The following ABHD2 variants were observed in gnomAD, a reference collection of about 807,000 sequenced individuals.
The protein encoded by ABHD2 is abhydrolase domain containing 2, acylglycerol lipase.
In ABHD2, 20 loss-of-function variants were observed where a neutral mutation model predicts 48.1. The ratio of observed to expected loss-of-function variants is 0.42; its 90% confidence interval spans 0.29 to 0.60. ABHD2 has a LOEUF of 0.60. ABHD2 is among the 20% of genes least tolerant of loss of function. ABHD2 has a pLI of 0.24. For synonymous variants in ABHD2, 209 were observed against 214.2 expected, an observed-to-expected ratio of 0.98 and a Z score of 0.21; for missense variants, 405 against 550.9, an observed-to-expected ratio of 0.74 and a Z score of 2.65.
chr15:89,081,292 T>G, the ABHD2 span, among the ~76,000 whole-genome samples: 1 of 151,576 alleles, frequency 6.6e-6, no homozygotes, highest in African/African-American at 2.4e-5. Flanking sequence ...AATGCTGGGA[T>G]TACAAGCATG....
chr15:89,193,235 A>G lies in ABHD2; in HGVS notation c.997A>G (p.Ile333Val). ...EESCMRYLHR[I>V]YVPLMLVNAA... ...ATTCTGCTTTATGTTCTTGTTGCAG[A>G]TTTATGTTCCTCTCATGCTGGTTAA... Residue 333 changes from isoleucine to valine, a missense_variant and splice_region_variant, in exon 10 of 11, where the codon ATT (isoleucine) becomes GTT (valine). Transcript: ENST00000352732. 6.2e-7 allele frequency: 1 copy of G among 1,614,120 alleles called. No homozygotes were observed. The highest frequency in any genetic ancestry group is 8.5e-7 in the Non-Finnish European group (1 of 1,179,974).
Position 89,201,818 on chromosome 15 carries a change from G to A in ABHD2, c.*6395G>A. ...CAGACGCCATTGGAGAGACAGCGCA[G>A]AGCAGGGGGCGGCTTGCTCGCTGGG... On this transcript the variant is annotated 3_prime_UTR_variant, in exon 11 of 11. Transcript: ENST00000352732. The A allele has an allele frequency of 7.7e-7, 1 of 1,296,540 alleles. No individual in the cohort carries two copies. The highest frequency in any genetic ancestry group is 1.1e-6 in the Non-Finnish European group (1 of 902,336). 80.3% of individuals were successfully genotyped at this position (1,296,540 alleles called of 1,614,324 possible). A position where few individuals can be genotyped will look rare whatever the true frequency, so the allele number is the denominator to read the frequency against.
the ABHD2 span, among the ~76,000 whole-genome samples, chr15:89,063,353 T>C: frequency 6.6e-6 from 1 of 152,078 alleles, no homozygotes; most frequent in Non-Finnish European, 1.5e-5. Flanking sequence ...AAAAATTTGC[T>C]CATAACCAAA....
the ABHD2 span, among the ~76,000 whole-genome samples, chr15:89,050,097 T>C: frequency 3.7e-3 from 564 of 152,214 alleles, 3 homozygotes; most frequent in Non-Finnish European, 4.1e-3. Flanking sequence ...CAAAATGTCT[T>C]GGAGAAAGAT....
chr15:89,057,633 C>G, the ABHD2 span, among the ~76,000 whole-genome samples: 3 of 152,308 alleles, frequency 2.0e-5, no homozygotes, highest in East Asian at 5.8e-4. Context: ...TCCTGAGAGG[C>G]AGGCCCCGTT....
intron 3 of ABHD2, among the ~76,000 whole-genome samples, chr15:89,145,044 G>A (rs1399732639): frequency 6.6e-6 from 1 of 152,190 alleles, no homozygotes; most frequent in Non-Finnish European, 1.5e-5. Flanking sequence ...ATCACTTGAG[G>A]TCATGAGTTT....
intron 3 of ABHD2, among the ~76,000 whole-genome samples, chr15:89,150,366 A>G (rs181295112): frequency 1.2e-4 from 18 of 152,278 alleles, no homozygotes; most frequent in African/African-American, 4.3e-4. Context: ...TCCAATTGAC[A>G]TTTTTATAAG....
chr15:89,161,774 T>C (rs980737867), intron 5 of ABHD2, among the ~76,000 whole-genome samples: 4 of 152,214 alleles, frequency 2.6e-5, no homozygotes, highest in Non-Finnish European at 5.9e-5. Context: ...TGTGCATCAC[T>C]AAGATACACA....
intron 3 of ABHD2, chr15:89,135,585 C>T (rs2050295408): frequency 1.3e-6 from 2 of 1,536,176 alleles, no homozygotes; most frequent in Admixed American, 1.9e-5. Context: ...CATTCTTATC[C>T]TCTTCATCTT....
At chr15:89,159,613 C>G (rs554486823) in intron 5 of ABHD2, among the ~76,000 whole-genome samples, 1 of 152,084 alleles carries the variant, frequency 6.6e-6, no homozygotes, top group Non-Finnish European at 1.5e-5. Context: ...GGAAGGGCAA[C>G]CCATGCAGAA....
At chr15:89,069,328 A>G in the ABHD2 span, among the ~76,000 whole-genome samples, 1 of 151,494 alleles carries the variant, frequency 6.6e-6, no homozygotes, top group Admixed American at 6.6e-5. Context: ...AGGTCTCACT[A>G]TTTTTCCAAG....
In ABHD2 at chr15:89,177,916, A is replaced by C. The variant is rs1012476414; in HGVS notation, c.722+1921A>C. Among the ~76,000 whole-genome samples, 6 of 152,174 alleles carry C rather than the reference A, an allele frequency of 3.9e-5. No individual in the cohort carries two copies. The highest frequency in any genetic ancestry group is 2.6e-4 in the Admixed American group (4 of 15,280). ...CAATCCCTTCATCTCATTTTGCTGC[A>C]GTAGCGCCATCTGCTGTCAGCAAGA... On this transcript the variant is annotated intron_variant, in intron 6 of 10. Transcript: ENST00000352732. The surrounding 1 kb of genome is among the most constrained non-coding windows in gnomAD (Gnocchi z 5.6).
rs2051204969 is a variant in ABHD2, at chr15:89,186,127, T to C, written c.815+611T>C. Among the ~76,000 whole-genome samples the C allele has an allele frequency of 6.6e-6, 1 of 152,178 alleles. No homozygotes were observed. The highest frequency in any genetic ancestry group is 6.5e-5 in the Admixed American group (1 of 15,278). On this transcript the variant is annotated intron_variant, in intron 7 of 10. Coordinates refer to ENST00000352732, the MANE Select transcript of ABHD2 (RefSeq NM_152924.5). The surrounding 1 kb of genome is among the most constrained non-coding windows in gnomAD (Gnocchi z 4.3). Reference sequence around the variant, plus strand: ...CTGTCATTGTTGAGGAGACCTTCCCTGTAGGATGCTTCTGTGCCTGGGGGA... The same window carrying C: ...CTGTCATTGTTGAGGAGACCTTCCCCGTAGGATGCTTCTGTGCCTGGGGGA...
At chr15:89,148,539 C>T (rs2050536117) in intron 3 of ABHD2, among the ~76,000 whole-genome samples, 1 of 152,224 alleles carries the variant, frequency 6.6e-6, no homozygotes, top group South Asian at 2.1e-4. Flanking sequence ...GGCAACTTGG[C>T]AGTATCTACA....
intron 3 of ABHD2, among the ~76,000 whole-genome samples, chr15:89,138,854 C>CT (rs10707562): frequency 5.7e-4 from 85 of 148,798 alleles, no homozygotes; most frequent in Admixed American, 1.9e-3. Flanking sequence ...CTAATCCTAG[C>CT]TTTTTTTTTT....
At chr15:89,138,334 G>A (rs917289151) in intron 3 of ABHD2, among the ~76,000 whole-genome samples, 2 of 152,152 alleles carry the variant, frequency 1.3e-5, no homozygotes, top group Non-Finnish European at 2.9e-5. Flanking sequence ...ACTGATGCTT[G>A]TCCTCCTGGG....
At chr15:89,082,053 A>G in the ABHD2 span, among the ~76,000 whole-genome samples, 1 of 152,098 alleles carries the variant, frequency 6.6e-6, no homozygotes, top group East Asian at 1.9e-4. This position sits in a 1 kb window ranked among gnomAD's most constrained non-coding sequence, Gnocchi z 4.4. Flanking sequence ...GGTGGTTAGC[A>G]GCATCTCTAG....
rs545667636 is a variant in ABHD2 at position 89,135,847 on chromosome 15, T to TCAGAA, written c.195-15816_195-15812dup. On this transcript the variant is annotated intron_variant, in intron 3 of 10. Coordinates refer to ENST00000352732, the MANE Select transcript of ABHD2 (RefSeq NM_152924.5). Reference sequence around the variant, plus strand: ...TTCTCCTTTGATATTTGGGCGATACTCAGAACAGAACAGAACAGGACAGAA... The same window carrying TCAGAA: ...TTCTCCTTTGATATTTGGGCGATACTCAGAACAGAACAGAACAGAACAGGACAGAA... 19 of 744,224 alleles carry TCAGAA rather than the reference T, an allele frequency of 2.6e-5. No individual in the cohort carries two copies. The East Asian group carries it at 2.7e-4, about 11-fold the overall frequency. The allele number at this position is 744,224 out of a possible 1,614,324, so 46.1% of individuals were successfully genotyped here.
intron 5 of ABHD2, among the ~76,000 whole-genome samples, chr15:89,162,490 C>G (rs1008775263): frequency 1.3e-5 from 2 of 152,100 alleles, no homozygotes; most frequent in African/African-American, 4.8e-5. Context: ...TGCAGTCCAC[C>G]ATCAGGCCCC....
Sources: allele counts gnomAD v4.1 joint callset (sites outside exome capture counted in the v4.1 genomes callset), GRCh38; gene constraint gnomAD v4.1.1; non-coding constraint Gnocchi (gnomAD v3.1); transcripts MANE v1.5; gene names NCBI Gene and HGNC (gene_info 2026-07-23, HGNC 2026-07-21).